Variants in TMCC1 observed in about 807,000 individuals in gnomAD.
TMCC1 encodes the protein transmembrane and coiled-coil domain family 1.
In TMCC1, 15 loss-of-function variants were observed where a neutral mutation model predicts 52.4. The ratio of observed to expected loss-of-function variants is 0.29; its 90% CI spans 0.19 to 0.44. The LOEUF is 0.44. TMCC1 is among the 20% of genes least tolerant of loss of function. TMCC1 has a pLI of 1.00. For synonymous variants in TMCC1, 279 were observed against 301.9 expected, an observed-to-expected ratio of 0.92 and a Z score of 0.79; for missense variants, 503 against 806.0, an observed-to-expected ratio of 0.62 and a Z score of 4.55.
At chr3:129,715,367 G>A (rs937035223) in intron 4 of TMCC1, among the ~76,000 whole-genome samples, 2 of 152,162 alleles carry the variant, frequency 1.3e-5, no homozygotes, top group East Asian at 1.9e-4. Context: ...GACCAGCCTG[G>A]TCAACATGGC....
intron 4 of TMCC1, among the ~76,000 whole-genome samples, chr3:129,743,564 T>C (rs7617134): frequency 0.99 from 150,123 of 152,284 alleles, 74,035 homozygotes; most frequent in East Asian, 1. Flanking sequence ...AGTAACATTA[T>C]ACAAATGGCA....
In TMCC1 at chr3:129,655,671, C is replaced by A. The variant is rs190014181; in HGVS notation, c.1512-568G>T. On this transcript the variant is annotated intron_variant, in intron 5 of 6. Transcript: ENST00000393238. ...TACTGAGAGCCTGCTATGTACCAGG[C>A]ATGTTCAAAGTACTGGGAATATTGT... Among the ~76,000 whole-genome samples the A allele has an allele frequency of 1.8e-4, 27 of 152,294 alleles. 1 individual carries two copies. The highest frequency in any genetic ancestry group is 9.7e-4 in the East Asian group (5 of 5,172).
intron 2 of TMCC1, among the ~76,000 whole-genome samples, chr3:129,840,511 A>G (rs2059376996): frequency 6.6e-6 from 1 of 152,174 alleles, no homozygotes; most frequent in South Asian, 2.1e-4. Flanking sequence ...AACAAGAAAG[A>G]TTGTCAAGGA....
intron 2 of TMCC1, among the ~76,000 whole-genome samples, chr3:129,838,752 CAAAAAAAAAAA>C (rs35240365): frequency 1.4e-3 from 93 of 65,840 alleles, no homozygotes; most frequent in African/African-American, 5.9e-3. Context: ...GACTCTGTCT[CAAAAAAAAAAA>C]AAAAAAAAAA....
intron 2 of TMCC1, among the ~76,000 whole-genome samples, chr3:129,844,081 A>G (rs1212387504): frequency 6.6e-6 from 1 of 152,218 alleles, no homozygotes; most frequent in African/African-American, 2.4e-5. Flanking sequence ...ACATTCAAAA[A>G]TCAATGTAGT....
chr3:129,710,004 G>C (rs930995183), intron 4 of TMCC1, among the ~76,000 whole-genome samples: 3 of 151,962 alleles, frequency 2.0e-5, no homozygotes, highest in African/African-American at 7.3e-5. Context: ...GGCTAACATG[G>C]TGAAACTCCG....
intron 2 of TMCC1, among the ~76,000 whole-genome samples, chr3:129,873,981 T>C (rs1055216166): frequency 6.6e-6 from 1 of 152,174 alleles, no homozygotes; most frequent in Non-Finnish European, 1.5e-5. Context: ...GTTTGAACAG[T>C]AGACCTCTAT....
intron 1 of TMCC1, among the ~76,000 whole-genome samples, chr3:129,882,227 A>T (rs1360562243): frequency 6.6e-6 from 1 of 152,206 alleles, no homozygotes; most frequent in East Asian, 1.9e-4. Flanking sequence ...TACGAAGGAG[A>T]TACATGAATG....
At chr3:129,779,366 A>G (rs1442747647) in intron 4 of TMCC1, among the ~76,000 whole-genome samples, 3 of 152,158 alleles carry the variant, frequency 2.0e-5, no homozygotes, top group Non-Finnish European at 4.4e-5. Context: ...TAATAAAACA[A>G]TCCTTGAGTT....
At chr3:129,862,233 G>A (rs2060428141) in intron 2 of TMCC1, among the ~76,000 whole-genome samples, 1 of 152,278 alleles carries the variant, frequency 6.6e-6, no homozygotes, top group African/African-American at 2.4e-5. Flanking sequence ...TGGAATGACT[G>A]CTCAATGGGT....
intron 4 of TMCC1, among the ~76,000 whole-genome samples, chr3:129,674,058 A>C (rs2088191168): frequency 6.6e-6 from 1 of 152,214 alleles, no homozygotes; most frequent in South Asian, 2.1e-4. Flanking sequence ...TGTAGCCTAG[A>C]AACAATAGGC....
rs149732796 is a variant in TMCC1 at position 129,881,641 on chromosome 3, G to A, written c.-434-1082C>T. On this transcript the variant is annotated intron_variant, in intron 1 of 6. Coordinates refer to ENST00000393238, the MANE Select transcript of TMCC1 (RefSeq NM_001017395.5). ...AGAACAAGAAATCTGTTATATTTTC[G>A]CAACAAATTAAGGCAGTATTTATTG... is the stretch of plus-strand genomic sequence containing the variant. Among the ~76,000 whole-genome samples the A allele has an allele frequency of 1.4e-4, 22 of 152,124 alleles. No individual in the cohort carries two copies. The East Asian group carries it at 1.7e-3, about 12-fold the overall frequency.
In TMCC1 at chr3:129,817,768, C is replaced by G. The variant is rs370922294; in HGVS notation, c.576+10035G>C. Among the ~76,000 whole-genome samples the G allele has an allele frequency of 4.6e-5, 7 of 152,144 alleles. No homozygotes were observed. In the East Asian group the frequency reaches 1.4e-3, roughly 29 times the overall value. On this transcript the variant is annotated intron_variant, in intron 4 of 6. Coordinates refer to ENST00000393238, the MANE Select transcript of TMCC1 (RefSeq NM_001017395.5). ...GTTCAAGTGATTCTCATGCCTCATC[C>G]TCCCAAGGAGCTGGAATTACAGGTG...
chr3:129,794,206 C>T lies in TMCC1; in HGVS notation c.576+33597G>A, dbSNP rs531571297. ...GAACAAAAGGCAGTGCTTCCTCCCT[C>T]AGCCCCTCCTTAGCGCTGGAGGACG... On this transcript the variant is annotated intron_variant, in intron 4 of 6. Transcript: ENST00000393238. 1,074 of 418,692 alleles carry T rather than the reference C, an allele frequency of 2.6e-3. 16 individuals are homozygous for T. The highest frequency in any genetic ancestry group is 0.018 in the South Asian group (1,039 of 58,262). The allele number at this position is 418,692 out of a possible 1,614,324, so 25.9% of individuals were successfully genotyped here.
chr3:129,827,922 G>A lies in TMCC1; in HGVS notation c.457C>T (p.Arg153Ter), dbSNP rs1317341933. 1 of 1,614,120 alleles carries A rather than the reference G, an allele frequency of 6.2e-7. No individual in the cohort carries two copies. The highest frequency in any genetic ancestry group is 8.5e-7 in the Non-Finnish European group (1 of 1,180,028). Residue 153 changes from arginine (R) to a stop codon, truncating the protein, a stop_gained, in exon 4 of 7, where the codon CGA becomes TGA. Transcript: ENST00000393238. LOFTEE classifies it high-confidence loss of function. Reference protein sequence around the residue: ...QEMTAVMQSGRPRSSSTTDAP... With the variant: ...QEMTAVMQSG Reference sequence around the variant, plus strand: ...TCAGTTGTGGATGAAGACCTGGGTCGGCCTGACTGCATAACAGCTGTCATC... The same window carrying A: ...TCAGTTGTGGATGAAGACCTGGGTCAGCCTGACTGCATAACAGCTGTCATC...
At chr3:129,693,919 T>C (rs566491927) in intron 4 of TMCC1, among the ~76,000 whole-genome samples, 2 of 152,358 alleles carry the variant, frequency 1.3e-5, no homozygotes, top group Non-Finnish European at 2.9e-5. Flanking sequence ...TAACTGTATA[T>C]ACTGGAATCT....
At chr3:129,705,403 G>T (rs1408621431) in intron 4 of TMCC1, among the ~76,000 whole-genome samples, 1 of 152,092 alleles carries the variant, frequency 6.6e-6, no homozygotes, top group African/African-American at 2.4e-5. Flanking sequence ...CAGGGGAGTA[G>T]TGTGGGGAGG....
intron 2 of TMCC1, among the ~76,000 whole-genome samples, chr3:129,846,707 T>C (rs1236694438): frequency 1.3e-5 from 2 of 151,686 alleles, no homozygotes; most frequent in Non-Finnish European, 2.9e-5. Flanking sequence ...AAGAAAAATA[T>C]AATCAAGTTC....
At chr3:129,855,749 T>C (rs2060122147) in intron 2 of TMCC1, among the ~76,000 whole-genome samples, 1 of 152,216 alleles carries the variant, frequency 6.6e-6, no homozygotes, top group African/African-American at 2.4e-5. Flanking sequence ...ATATTGCCCA[T>C]TTCGATGGTA....
Sources: allele counts gnomAD v4.1 joint callset (sites outside exome capture counted in the v4.1 genomes callset), GRCh38; gene constraint gnomAD v4.1.1; transcripts MANE v1.5; gene names NCBI Gene and HGNC (gene_info 2026-07-23, HGNC 2026-07-21).